Variants in DNAH5 observed in about 807,000 individuals in gnomAD.
The protein encoded by DNAH5 is axonemal beta dynein heavy chain 5.
A neutral mutation model predicts 518.2 loss-of-function variants in DNAH5; 372 were observed. The ratio of observed to expected loss-of-function variants is 0.72; its 90% CI spans 0.66 to 0.78. DNAH5 has a LOEUF of 0.78. DNAH5 is among the 30% of genes least tolerant of loss of function. The probability of loss-of-function intolerance (pLI) is 0.00; values close to 1 mark genes in which losing one functional copy is unlikely to be tolerated. For synonymous variants in DNAH5, 2,039 were observed against 2,025.9 expected, an observed-to-expected ratio of 1.01 and a Z score of -0.17; for missense variants, 5,523 against 5,687.0, an observed-to-expected ratio of 0.97 and a Z score of 0.93.
Position 13,754,210 on chromosome 5 carries a change from T to C in DNAH5, c.10548A>G (p.Arg3516=). Reference sequence around the variant, plus strand: ...ATAAAGAAATTTACATACCTACAAGTCTTTTAGTTTGTGCAGCAAACTCTT... The same window carrying C: ...ATAAAGAAATTTACATACCTACAAGCCTTTTAGTTTGTGCAGCAAACTCTT... ...QSQEFAAQTK[R]LVGDVLLATA... is the part of the protein sequence containing the mutation. The change falls in exon 62 of 79, where the codon AGA becomes AGG. Residue 3516 remains arginine (R), a synonymous_variant. Transcript: ENST00000265104. The C allele has an allele frequency of 6.2e-7, 1 of 1,614,022 alleles. No homozygotes were observed. Among genetic ancestry groups the C allele is most frequent in the Non-Finnish European group, 8.5e-7 (1 of 1,179,938 alleles).
chr5:13,911,200 C>A (rs957635016), intron 12 of DNAH5, among the ~76,000 whole-genome samples, 186 bp downstream of exon 12: 1 of 152,220 alleles, frequency 6.6e-6, no homozygotes, highest in Non-Finnish European at 1.5e-5. Flanking sequence ...ATTTATGACC[C>A]TTTAATCCAT....
At chr5:13,847,905 A>C (rs1036503645) in intron 31 of DNAH5, among the ~76,000 whole-genome samples, 1 of 152,114 alleles carries the variant, frequency 6.6e-6, no homozygotes, top group African/African-American at 2.4e-5. Flanking sequence ...CTGAACCTGC[A>C]TGATGTCTTA....
Position 13,789,924 on chromosome 5 carries a change from A to G in DNAH5, c.8449-1010T>C, listed in dbSNP as rs1350080711. 3.9e-5 allele frequency among the ~76,000 whole-genome samples: 6 copies of G among 152,344 alleles called. No homozygotes were observed. In the East Asian group the frequency reaches 9.6e-4, roughly 24 times the overall value. ...AGACACTTCTCAAAAGAAGACATAC[A>G]TGTGGCCAAGAAACATATGAAAAGA... On this transcript the variant is annotated intron_variant, in intron 50 of 78. Transcript: ENST00000265104.
chr5:13,921,477 A>ACCCC (rs70964520), intron 5 of DNAH5, among the ~76,000 whole-genome samples: 1 of 74,212 alleles, frequency 1.3e-5, no homozygotes, highest in South Asian at 4.8e-4. Context: ...TCTCTCTCTC[A>ACCCC]CACACACACA....
At chr5:13,887,710 C>T (rs1199133157) in intron 17 of DNAH5, among the ~76,000 whole-genome samples, 1 of 152,194 alleles carries the variant, frequency 6.6e-6, no homozygotes, top group Non-Finnish European at 1.5e-5. Context: ...TCTCCTAACA[C>T]GATTTCACAC....
At chr5:13,884,053 T>C (rs1319454594) in intron 19 of DNAH5, among the ~76,000 whole-genome samples, 1 of 152,192 alleles carries the variant, frequency 6.6e-6, no homozygotes, top group Non-Finnish European at 1.5e-5. Context: ...AGGATGCCTC[T>C]AGATTTGACA....
chr5:13,713,416 T>TATATATATACATCGAC (rs1554018811), intron 75 of DNAH5, among the ~76,000 whole-genome samples: 1 of 128,058 alleles, frequency 7.8e-6, no homozygotes, highest in African/African-American at 3.0e-5. Flanking sequence ...TACACCGACA[T>TATATATATACATCGAC]ATATATATAT....
chr5:14,003,665 A>G (rs1482480247), intron 1 of DNAH5, among the ~76,000 whole-genome samples: 1 of 152,202 alleles, frequency 6.6e-6, no homozygotes, highest in Admixed American at 6.5e-5. Context: ...TGCAGAGTGG[A>G]GGAGAGACTG....
At chr5:13,911,555 T>C (rs1775997058) in intron 11 of DNAH5, 62 bp from the exon 12 acceptor site, 9 of 1,312,764 alleles carry the variant, frequency 6.9e-6, no homozygotes, top group Non-Finnish European at 8.7e-6. Flanking sequence ...TAACTAAATA[T>C]GACCCTTAAA....
intron 15 of DNAH5, among the ~76,000 whole-genome samples, chr5:13,896,026 A>G (rs13173502): frequency 0.97 from 147,972 of 151,884 alleles, 72,095 homozygotes; most frequent in South Asian, 0.99. Context: ...GGGAGACAAC[A>G]GTAGATCATC....
At chr5:14,006,965 T>C (rs370700705) in intron 1 of DNAH5, among the ~76,000 whole-genome samples, 29 of 152,256 alleles carry the variant, frequency 1.9e-4, no homozygotes, top group African/African-American at 6.5e-4. Flanking sequence ...AGAGGTCACT[T>C]CTTCTGGCTG....
At chr5:13,748,987 G>A (rs1360718759) in intron 65 of DNAH5, among the ~76,000 whole-genome samples, 4 of 151,846 alleles carry the variant, frequency 2.6e-5, no homozygotes, top group Admixed American at 6.6e-5. Flanking sequence ...AAAGCAGCAG[G>A]GATCAACTCA....
intron 1 of DNAH5, among the ~76,000 whole-genome samples, chr5:13,969,359 T>A (rs1006209328): frequency 1.3e-5 from 2 of 152,134 alleles, no homozygotes; most frequent in African/African-American, 4.8e-5. Context: ...TCTGTTGAGT[T>A]TGGGTTTGGT....
At chr5:13,739,410 C>G (rs937259745) in intron 65 of DNAH5, among the ~76,000 whole-genome samples, 3 of 152,098 alleles carry the variant, frequency 2.0e-5, no homozygotes, top group African/African-American at 7.2e-5. Context: ...TGAAGAAGGT[C>G]CCTGCTTCTC....
chr5:13,979,197 C>T (rs1267139601), intron 1 of DNAH5, among the ~76,000 whole-genome samples: 1 of 152,112 alleles, frequency 6.6e-6, no homozygotes, highest in African/African-American at 2.4e-5. Flanking sequence ...TACATATACC[C>T]AAAGCCTACA....
intron 78 of DNAH5, among the ~76,000 whole-genome samples, chr5:13,696,277 A>G (rs1312081517): frequency 2.6e-5 from 4 of 152,242 alleles, no homozygotes; most frequent in Non-Finnish European, 5.9e-5. Context: ...CAATCTGCTC[A>G]TATAATAAAT....
At chr5:13,980,595 C>A (rs745932516) in intron 1 of DNAH5, among the ~76,000 whole-genome samples, 1 of 152,144 alleles carries the variant, frequency 6.6e-6, no homozygotes, top group Non-Finnish European at 1.5e-5. Flanking sequence ...TAGCCCAAAT[C>A]TGACCACCTC....
chr5:13,822,732 C>G (rs1762386889), intron 40 of DNAH5, among the ~76,000 whole-genome samples: 1 of 152,120 alleles, frequency 6.6e-6, no homozygotes, highest in East Asian at 1.9e-4. Flanking sequence ...TAAAGCTGCA[C>G]CAAGTACCAT....
intron 36 of DNAH5, 26 bp from the exon 37 acceptor site, chr5:13,830,239 T>A (rs764402968): frequency 3.1e-6 from 5 of 1,599,102 alleles, no homozygotes; most frequent in Non-Finnish European, 4.3e-6. Context: ...AAATGAAAAA[T>A]CCAATTAGTA....
Sources: gnomAD v4.1 joint callset for allele counts (sites outside exome capture counted in the v4.1 genomes callset) on GRCh38, gnomAD v4.1.1 for gene constraint, MANE v1.5 for transcripts, NCBI Gene and HGNC (gene_info 2026-07-23, HGNC 2026-07-21) for gene names.